WWOX: variants seen among roughly 807,000 people sequenced by gnomAD.
WWOX encodes WW domain containing oxidoreductase.
In WWOX, 69 loss-of-function variants were observed where a neutral mutation model predicts 46.2. The ratio of observed to expected loss-of-function variants is 1.49; its 90% CI spans 1.23 to 1.82. The LOEUF (loss-of-function observed/expected upper bound fraction) is 1.82. Among genes scored for constraint, WWOX ranks in the 40% most tolerant of loss-of-function variants. The pLI, the probability that WWOX is intolerant of heterozygous loss-of-function variation, is 0.00. For missense variants in WWOX, 919 were observed against 542.6 expected (o/e 1.69, Z -6.89); for synonymous variants, 359 against 202.6 (o/e 1.77, Z -6.56).
At chr16:78,810,752 A>C (rs75432891) in intron 8 of WWOX, among the ~76,000 whole-genome samples, 2,435 of 152,300 alleles carry the variant, frequency 0.016, 66 homozygotes, top group African/African-American at 0.048. Flanking sequence ...TTCTGTAGGA[A>C]TAACTCTATG....
chr16:79,212,164 CG>C lies in WWOX; in HGVS notation c.*370del. ...CCCTCGTCCCATCCAGCTACCACCA[CG>C]GCCACCACTGCAGCCGGGGGCTGGC... On this transcript the variant is annotated 3_prime_UTR_variant, in exon 9 of 9. Transcript: ENST00000566780. 1 of 1,494,462 alleles carries C rather than the reference CG, an allele frequency of 6.7e-7. No homozygotes were observed. Among genetic ancestry groups the C allele is most frequent in the African/African-American group, 1.4e-5 (1 of 71,260 alleles). 92.6% of individuals were successfully genotyped at this position (1,494,462 alleles called of 1,614,324 possible).
chr16:78,218,119 A>G (rs1483414060), intron 5 of WWOX, among the ~76,000 whole-genome samples: 1 of 151,952 alleles, frequency 6.6e-6, no homozygotes, highest in Non-Finnish European at 1.5e-5. Context: ...CAGTGGTGCA[A>G]TCACAGCTCA....
intron 8 of WWOX, among the ~76,000 whole-genome samples, chr16:78,966,533 C>T (rs1026573652): frequency 2.0e-5 from 3 of 151,864 alleles, no homozygotes; most frequent in African/African-American, 7.3e-5. Context: ...AACTCTTCCC[C>T]TAATAGTGAA....
intron 6 of WWOX, among the ~76,000 whole-genome samples, chr16:78,419,625 C>CAAAAAAAAAAAAAA (rs60762734): frequency 1.8e-3 from 81 of 44,616 alleles, no homozygotes; most frequent in African/African-American, 3.6e-3. Flanking sequence ...CAAAAAATAG[C>CAAAAAAAAAAAAAA]AAAAAAAAAA....
chr16:78,390,971 T>G (rs569448877), intron 6 of WWOX, among the ~76,000 whole-genome samples: 35 of 152,222 alleles, frequency 2.3e-4, no homozygotes, highest in Non-Finnish European at 2.5e-4. Flanking sequence ...TGAGTTCCTG[T>G]GTGTATTCCC....
intron 1 of WWOX, among the ~76,000 whole-genome samples, chr16:78,105,773 C>T (rs143470967): frequency 8.6e-4 from 131 of 152,252 alleles, no homozygotes; most frequent in African/African-American, 2.9e-3. Flanking sequence ...CAAGGCTCAG[C>T]TTCCACTGTT....
chr16:78,383,564 C>A (rs1682202538), intron 5 of WWOX, among the ~76,000 whole-genome samples: 1 of 152,180 alleles, frequency 6.6e-6, no homozygotes, highest in South Asian at 2.1e-4. Flanking sequence ...TGCAATCTGT[C>A]AGCCACTACC....
intron 8 of WWOX, among the ~76,000 whole-genome samples, chr16:78,743,296 C>A (rs1279241239): frequency 6.6e-6 from 1 of 152,046 alleles, no homozygotes. Flanking sequence ...GACCAGTATT[C>A]CCTCATTTGC....
chr16:78,392,366 G>A (rs1229637553), intron 6 of WWOX, among the ~76,000 whole-genome samples: 2 of 152,000 alleles, frequency 1.3e-5, no homozygotes. Context: ...CTTCAAGATG[G>A]GATTGTCTAG....
chr16:79,059,821 C>T (rs536225568), intron 8 of WWOX, among the ~76,000 whole-genome samples: 1 of 152,150 alleles, frequency 6.6e-6, no homozygotes, highest in Non-Finnish European at 1.5e-5. Context: ...GACAACATTA[C>T]CCTCTTATTA....
intron 8 of WWOX, among the ~76,000 whole-genome samples, chr16:78,627,972 T>G (rs564672095): frequency 6.6e-6 from 1 of 152,354 alleles, no homozygotes; most frequent in South Asian, 2.1e-4. Flanking sequence ...GTTGACAAAC[T>G]GGCATTTGTC....
At chr16:78,944,566 A>G (rs918618432) in intron 8 of WWOX, among the ~76,000 whole-genome samples, 4 of 152,182 alleles carry the variant, frequency 2.6e-5, no homozygotes, top group African/African-American at 9.7e-5. Flanking sequence ...TTTCGTACAC[A>G]TCTATGTAAG....
At chr16:78,130,402 C>G (rs948361246) in intron 4 of WWOX, among the ~76,000 whole-genome samples, 3 of 152,186 alleles carry the variant, frequency 2.0e-5, no homozygotes, top group Non-Finnish European at 4.4e-5. Flanking sequence ...AAGAACGTGA[C>G]CATGCTGCCA....
chr16:78,934,425 C>A (rs954348045), intron 8 of WWOX, among the ~76,000 whole-genome samples: 7 of 143,592 alleles, frequency 4.9e-5, no homozygotes, highest in Admixed American at 7.1e-5. Flanking sequence ...AGGAGGATCA[C>A]TTGAGTCCAG....
intron 8 of WWOX, among the ~76,000 whole-genome samples, chr16:79,145,309 T>C (rs918934575): frequency 6.6e-6 from 1 of 152,138 alleles, no homozygotes; most frequent in Admixed American, 6.5e-5. Context: ...GAAACAGCAA[T>C]ACTTGTAACT....
At chr16:78,183,204 C>T (rs930630383) in intron 5 of WWOX, among the ~76,000 whole-genome samples, 7 of 151,984 alleles carry the variant, frequency 4.6e-5, no homozygotes, top group South Asian at 2.1e-4. Flanking sequence ...GAGACAGACA[C>T]GTAAATTAAT....
intron 8 of WWOX, among the ~76,000 whole-genome samples, chr16:78,448,792 C>G (rs1474505320): frequency 6.6e-6 from 1 of 152,120 alleles, no homozygotes; most frequent in Non-Finnish European, 1.5e-5. Context: ...CAGAGTGTTG[C>G]CTTCCTTTTT....
chr16:78,727,536 G>C (rs1404305052), intron 8 of WWOX, among the ~76,000 whole-genome samples: 1 of 152,188 alleles, frequency 6.6e-6, no homozygotes, highest in African/African-American at 2.4e-5. Flanking sequence ...GAGAAAGAAA[G>C]GAGGGACACA....
At chr16:78,623,137 A>G (rs1433352266) in intron 8 of WWOX, among the ~76,000 whole-genome samples, 1 of 152,010 alleles carries the variant, frequency 6.6e-6, no homozygotes, top group Admixed American at 6.6e-5. Flanking sequence ...TCAGCATGGT[A>G]AGACCCTGGA....
Sources: gnomAD v4.1 joint callset for allele counts (sites outside exome capture counted in the v4.1 genomes callset) on GRCh38, gnomAD v4.1.1 for gene constraint, MANE v1.5 for transcripts, NCBI Gene and HGNC (gene_info 2026-07-23, HGNC 2026-07-21) for gene names.